GALNTL6: variants seen among roughly 807,000 people sequenced by gnomAD.
The protein encoded by GALNTL6 is polypeptide N-acetylgalactosaminyltransferase like 6, also known as polypeptide N-acetylgalactosaminyltransferase-like 6.
GALNTL6 carries 46 observed loss-of-function variants against 73.7 expected under a neutral mutation model. The observed-to-expected ratio is 0.62, with a 90% CI of 0.49 to 0.80. GALNTL6 has a LOEUF of 0.80. Among genes scored for constraint, GALNTL6 ranks in the 30% least tolerant of loss-of-function variants. The pLI, the probability that GALNTL6 is intolerant of heterozygous loss-of-function variation, is 0.00. For missense variants in GALNTL6, 604 were observed against 755.0 expected (o/e 0.80, Z 2.34); for synonymous variants, 259 against 263.7 (o/e 0.98, Z 0.17).
chr4:172,480,210 GA>G (rs1255019490), intron 5 of GALNTL6, among the ~76,000 whole-genome samples: 1 of 151,824 alleles, frequency 6.6e-6, no homozygotes, highest in African/African-American at 2.4e-5. Flanking sequence ...GAGAAGCTGA[GA>G]CAGGAGGATC....
chr4:172,817,216 A>G (rs966120445), intron 7 of GALNTL6, among the ~76,000 whole-genome samples: 3 of 151,884 alleles, frequency 2.0e-5, no homozygotes, highest in Admixed American at 2.0e-4. Flanking sequence ...GCTTGAGCCC[A>G]GGAGTTTGAG....
At position 172,177,800 on chromosome 4, in the gene GALNTL6, C is replaced by CACACATATATACACATGTGTATATATAT. The variant is rs1560955544; in HGVS notation, c.139-51851_139-51850insTATATACACATGTGTATATATATACACA. 2.1e-3 allele frequency among the ~76,000 whole-genome samples: 266 copies of CACACATATATACACATGTGTATATATAT among 128,876 alleles called. 1 individual carries two copies. The highest frequency in any genetic ancestry group is 0.01 in the African/African-American group (257 of 25,482). The allele number at this position is 128,876 out of a possible 152,430, so 84.5% of individuals were successfully genotyped here. ...ATATATACACATGTGTATATATATA[C>CACACATATATACACATGTGTATATATAT]ACACACATATATGTGTGTGTATATA... is the stretch of plus-strand genomic sequence containing the variant. On this transcript the variant is annotated intron_variant, in intron 2 of 12. Coordinates refer to ENST00000506823, the MANE Select transcript of GALNTL6 (RefSeq NM_001034845.3).
intron 5 of GALNTL6, among the ~76,000 whole-genome samples, chr4:172,459,293 A>C (rs1056179361): frequency 2.6e-5 from 4 of 152,230 alleles, no homozygotes; most frequent in African/African-American, 7.2e-5. Flanking sequence ...ATTCCCTTTG[A>C]AAACCAGCAC....
chr4:172,886,505 A>G (rs1339751778), intron 8 of GALNTL6, among the ~76,000 whole-genome samples: 1 of 151,946 alleles, frequency 6.6e-6, no homozygotes, highest in East Asian at 1.9e-4. Flanking sequence ...GTGGCTCACG[A>G]CTATAATCCC....
chr4:171,972,717 A>T (rs1739606470), intron 2 of GALNTL6, among the ~76,000 whole-genome samples: 1 of 152,142 alleles, frequency 6.6e-6, no homozygotes, highest in African/African-American at 2.4e-5. Flanking sequence ...TTTTTATAAC[A>T]TTAAAATTGC....
chr4:172,056,971 T>C (rs1158135214), intron 2 of GALNTL6, among the ~76,000 whole-genome samples: 1 of 152,202 alleles, frequency 6.6e-6, no homozygotes, highest in Non-Finnish European at 1.5e-5. Flanking sequence ...TGTTACAATA[T>C]TTTTAATGAA....
chr4:172,270,346 A>G (rs1738600117), intron 3 of GALNTL6, among the ~76,000 whole-genome samples: 1 of 152,176 alleles, frequency 6.6e-6, no homozygotes, highest in Non-Finnish European at 1.5e-5. Flanking sequence ...TTAATTGACC[A>G]TTCTGGAAAC....
At chr4:172,300,849 G>A (rs1347712394) in intron 3 of GALNTL6, among the ~76,000 whole-genome samples, 3 of 152,026 alleles carry the variant, frequency 2.0e-5, no homozygotes, top group Non-Finnish European at 2.9e-5. Context: ...ATGTGTCTTG[G>A]AGTTGCTCTT....
intron 2 of GALNTL6, among the ~76,000 whole-genome samples, chr4:172,126,306 A>G (rs1361734925): frequency 6.6e-6 from 1 of 152,172 alleles, no homozygotes; most frequent in African/African-American, 2.4e-5. Context: ...CTATCACTTA[A>G]TTTAAAATAA....
At chr4:173,025,478 T>C (rs913444802) in intron 12 of GALNTL6, among the ~76,000 whole-genome samples, 1 of 152,148 alleles carries the variant, frequency 6.6e-6, no homozygotes, top group African/African-American at 2.4e-5. Context: ...TCTTTGCCAT[T>C]TCTATAGCCA....
At chr4:172,410,063 CTTTA>C (rs1744376181) in intron 5 of GALNTL6, among the ~76,000 whole-genome samples, 1 of 151,872 alleles carries the variant, frequency 6.6e-6, no homozygotes, top group Admixed American at 6.6e-5. Flanking sequence ...AAGAATAAAT[CTTTA>C]TTCATTAAAA....
At chr4:172,789,002 C>A (rs1739841905) in intron 5 of GALNTL6, among the ~76,000 whole-genome samples, 1 of 152,180 alleles carries the variant, frequency 6.6e-6, no homozygotes, top group Non-Finnish European at 1.5e-5. Context: ...CCACAACAAT[C>A]ATCAACATAG....
At chr4:172,075,189 A>G (rs1287443350) in intron 2 of GALNTL6, among the ~76,000 whole-genome samples, 1 of 152,186 alleles carries the variant, frequency 6.6e-6, no homozygotes, top group Non-Finnish European at 1.5e-5. Context: ...ACTTATGGGC[A>G]AAATTTCAAA....
intron 4 of GALNTL6, among the ~76,000 whole-genome samples, chr4:172,323,167 G>T (rs1407176303): frequency 2.0e-5 from 3 of 151,990 alleles, no homozygotes; most frequent in African/African-American, 7.2e-5. Flanking sequence ...TACAAATTAG[G>T]TTTCTATAGA....
At chr4:173,027,772 G>A (rs956348518) in intron 12 of GALNTL6, among the ~76,000 whole-genome samples, 3 of 152,188 alleles carry the variant, frequency 2.0e-5, no homozygotes, top group African/African-American at 7.2e-5. Flanking sequence ...TCCATTCGTA[G>A]ATGTCATGTT....
chr4:172,830,911 A>G (rs1202321265), intron 7 of GALNTL6, among the ~76,000 whole-genome samples: 1 of 152,132 alleles, frequency 6.6e-6, no homozygotes, highest in Admixed American at 6.5e-5. Flanking sequence ...TGTAATCCCA[A>G]CACTTTGAGA....
chr4:172,138,700 T>G (rs1255169989), intron 2 of GALNTL6, among the ~76,000 whole-genome samples: 1 of 149,022 alleles, frequency 6.7e-6, no homozygotes, highest in Non-Finnish European at 1.5e-5. Flanking sequence ...CGGCTAATTT[T>G]TTGTATTTTT....
chr4:172,328,050 CTT>C (rs1741003431), intron 4 of GALNTL6, among the ~76,000 whole-genome samples: 1 of 151,924 alleles, frequency 6.6e-6, no homozygotes, highest in Non-Finnish European at 1.5e-5. Context: ...ATTTAGTGCT[CTT>C]TTCAGGATTT....
chr4:172,734,296 C>T (rs1421424757), intron 5 of GALNTL6, among the ~76,000 whole-genome samples: 1 of 152,150 alleles, frequency 6.6e-6, no homozygotes, highest in African/African-American at 2.4e-5. Flanking sequence ...GGGAGCAATT[C>T]AAGTCAGCTG....
Sources: allele counts gnomAD v4.1 joint callset (sites outside exome capture counted in the v4.1 genomes callset), GRCh38; gene constraint gnomAD v4.1.1; transcripts MANE v1.5; gene names NCBI Gene and HGNC (gene_info 2026-07-23, HGNC 2026-07-21).